The following SEC23A variants were observed in gnomAD, a reference collection of about 807,000 sequenced individuals.
SEC23A encodes the protein SEC23 homolog A, COPII component.
A neutral mutation model predicts 103.7 loss-of-function variants in SEC23A; 56 were observed. The ratio of observed to expected loss-of-function variants is 0.54; its 90% CI spans 0.44 to 0.67. SEC23A has a LOEUF of 0.67. Among genes scored for constraint, SEC23A ranks in the 30% least tolerant of loss-of-function variants. The pLI is 0.00. For synonymous variants in SEC23A, 281 were observed against 293.0 expected (o/e 0.96, Z 0.42); for missense variants, 784 against 936.4 (o/e 0.84, Z 2.12).
intron 7 of SEC23A, among the ~76,000 whole-genome samples, chr14:39,079,666 C>A (rs1032279837): frequency 6.6e-6 from 1 of 151,812 alleles, no homozygotes; most frequent in African/African-American, 2.4e-5. Context: ...ACTAAAAATA[C>A]AAAAAATTAG....
intron 7 of SEC23A, among the ~76,000 whole-genome samples, chr14:39,077,147 C>T (rs1887056113): frequency 1.4e-5 from 2 of 141,800 alleles, no homozygotes; most frequent in Admixed American, 7.4e-5. Context: ...AGAATTGCTT[C>T]GACCCAGGAG....
Position 39,063,349 on chromosome 14 carries a change from G to A in SEC23A, c.1373C>T (p.Ala458Val), listed in dbSNP as rs933417558. The change falls in exon 12 of 20, where the codon GCC (alanine) becomes GTC (valine). Residue 458 changes from alanine to valine, a missense_variant. Transcript: ENST00000307712. ...ICGLSPTTTLAIYFEVVNQHN... is the reference protein window; with the variant it reads ...ICGLSPTTTLVIYFEVVNQHN... ...CTGATTGACAACCTCAAAATATATGGCTAAGGTTGTAGTGGGACTAAGTCC... is the reference window on the plus strand; with the variant it reads ...CTGATTGACAACCTCAAAATATATGACTAAGGTTGTAGTGGGACTAAGTCC... The A allele has an allele frequency of 3.1e-6, 5 of 1,610,000 alleles. No homozygotes were observed. The highest frequency in any genetic ancestry group is 4.3e-6 in the Non-Finnish European group (5 of 1,176,452).
intron 13 of SEC23A, among the ~76,000 whole-genome samples, 177 bp from the exon 14 acceptor site, chr14:39,055,473 T>A (rs1374101657): frequency 6.6e-6 from 1 of 151,476 alleles, no homozygotes; most frequent in Non-Finnish European, 1.5e-5. Flanking sequence ...AATGGCGCGA[T>A]CTCAGCTCAC....
chr14:39,040,301 T>G (rs912795826), intron 18 of SEC23A: 1 of 175,990 alleles, frequency 5.7e-6, no homozygotes, highest in African/African-American at 2.4e-5. Flanking sequence ...TTACATAAAA[T>G]TTTATTTTCT....
At chr14:39,043,648 C>T (rs1466117329) in intron 16 of SEC23A, among the ~76,000 whole-genome samples, 2 of 152,116 alleles carry the variant, frequency 1.3e-5, no homozygotes, top group Admixed American at 1.3e-4. Context: ...GAAGATTGAT[C>T]CCTTAAGCAT....
chr14:39,067,157 A>T lies in SEC23A; in HGVS notation c.1227+16T>A. On this transcript the variant is annotated intron_variant, in intron 10 of 19. Transcript: ENST00000307712. ...CTTTTGATAACATATCGCACATGTCAAGTTTTGGTTCTTACCTTTATTTCT... is the reference window on the plus strand; with the variant it reads ...CTTTTGATAACATATCGCACATGTCTAGTTTTGGTTCTTACCTTTATTTCT... 6.2e-7 allele frequency: 1 copy of T among 1,613,616 alleles called. No homozygotes were observed. The highest frequency in any genetic ancestry group is 2.2e-5 in the East Asian group (1 of 44,780).
chr14:39,091,836 A>C (rs1387484123), intron 4 of SEC23A, 123 bp from the exon 5 acceptor site: 2 of 723,618 alleles, frequency 2.8e-6, no homozygotes, highest in Non-Finnish European at 4.9e-6. Flanking sequence ...TTCAGAAATG[A>C]AACAGGTTAT....
Position 39,046,628 on chromosome 14 carries a change from A to C in SEC23A, c.1738-1304T>G, listed in dbSNP as rs557250896. ...AAAAAAAACAACCACATATATACCC[A>C]TATAATTTCTTAATATTTAATATCT... On this transcript the variant is annotated intron_variant, in intron 15 of 19. Coordinates refer to ENST00000307712, the MANE Select transcript of SEC23A (RefSeq NM_006364.4). Among the ~76,000 whole-genome samples, 4 of 152,304 alleles carry C rather than the reference A, an allele frequency of 2.6e-5. No homozygotes were observed. In the East Asian group the frequency reaches 7.7e-4, roughly 29 times the overall value.
chr14:39,086,857 C>T (rs926724621), intron 6 of SEC23A, 72 bp downstream of exon 6: 4 of 850,584 alleles, frequency 4.7e-6, no homozygotes, highest in Admixed American at 3.4e-5. Context: ...TCACTGAATG[C>T]CTATGTTCAA....
intron 7 of SEC23A, among the ~76,000 whole-genome samples, chr14:39,082,684 T>C (rs928391640): frequency 4.6e-5 from 7 of 152,196 alleles, no homozygotes; most frequent in African/African-American, 1.2e-4. Context: ...CCTTAATGAA[T>C]GACCAAAGTG....
At chr14:39,039,261 A>C (rs1885559285) in intron 18 of SEC23A, 165 bp from the exon 19 acceptor site, 1 of 604,304 alleles carries the variant, frequency 1.7e-6, no homozygotes. Context: ...ATAGGTCACT[A>C]AGTGTTACAA....
rs1276470882 is a variant in SEC23A, at chr14:39,085,846, C to T, written c.744G>A (p.Gln248=). The T allele has an allele frequency of 1.2e-6, 2 of 1,613,924 alleles. No individual in the cohort carries two copies. Among genetic ancestry groups the T allele is most frequent in the Non-Finnish European group, 8.5e-7 (1 of 1,179,852 alleles). ...CCTGTGGTACAGGCCAAGGGTCTCG[C>T]TGGAGTTCTCCCAGAAGATCTGTGA... ...MNLTDLLGEL[Q]RDPWPVPQGK... is the part of the protein sequence containing the mutation. Residue 248 remains glutamine, a synonymous_variant, in exon 7 of 20, where the codon CAG becomes CAA. Coordinates refer to ENST00000307712, the MANE Select transcript of SEC23A (RefSeq NM_006364.4).
Position 39,055,038 on chromosome 14 carries a change from T to C in SEC23A, c.1659+105A>G, listed in dbSNP as rs971489404. 59 of 1,311,866 alleles carry C rather than the reference T, an allele frequency of 4.5e-5. No individual in the cohort carries two copies. In the Admixed American group the frequency reaches 1.0e-3, roughly 22 times the overall value. The allele number at this position is 1,311,866 out of a possible 1,614,324, so 81.3% of individuals were successfully genotyped here. On this transcript the variant is annotated intron_variant, in intron 14 of 19. Transcript: ENST00000307712. Reference sequence around the variant, plus strand: ...ATTTGAATAGGAGTTTCTCATACAGTATTTCAGATACACTGTTAAGTACTT... The same window carrying C: ...ATTTGAATAGGAGTTTCTCATACAGCATTTCAGATACACTGTTAAGTACTT...
chr14:39,042,906 A>C, intron 16 of SEC23A, 34 bp from the exon 17 acceptor site: 2 of 1,350,570 alleles, frequency 1.5e-6, no homozygotes, highest in Non-Finnish European at 2.1e-6. Context: ...AATGAGGAAA[A>C]AGGAAAAATA....
At position 39,040,969 on chromosome 14, in the gene SEC23A, T is replaced by C. The variant is rs62001129; in HGVS notation, c.1987-82A>G. The stretch of plus-strand genomic sequence containing the variant: ...TGAGATTTTTCCAAAGAAAATAATC[T>C]TTAGAAACTAAAAAAATTATAGACC... On this transcript the variant is annotated intron_variant, in intron 17 of 19. Transcript: ENST00000307712. 0.15 allele frequency: 215,938 copies of C among 1,478,948 alleles called. 16,094 individuals carry two copies. The highest frequency in any genetic ancestry group is 0.21 in the Admixed American group (8,832 of 41,724). 91.6% of individuals were successfully genotyped at this position (1,478,948 alleles called of 1,614,324 possible).
rs747317789 is a variant in SEC23A, at chr14:39,042,808, T to A, written c.1964A>T (p.Gln655Leu). 1 of 1,610,092 alleles carries A rather than the reference T, an allele frequency of 6.2e-7. No individual in the cohort carries two copies. Among genetic ancestry groups the A allele is most frequent in the South Asian group, 1.1e-5 (1 of 90,978 alleles). Residue 655 changes from glutamine to leucine, a missense_variant, in exon 17 of 20, where the codon CAG becomes CTG. This residue lies in a region of SEC23A where 101 missense variants were observed against 162.2 expected (regional missense o/e 0.62). Coordinates refer to ENST00000307712, the MANE Select transcript of SEC23A (RefSeq NM_006364.4). ...TACCTCACCATGATAAATCAAAATC[T>A]GGAAGAATGTGTCCATGAGAAGAAT... The part of the protein sequence containing the change: ...DRILLMDTFF[Q>L]ILIYHGETIA...
rs375550799 is a variant in SEC23A at position 39,085,899 on chromosome 14, G to T, written c.691C>A (p.Gln231Lys). Reference protein sequence around the residue: ...QQPPPSNRFLQPVQKIDMNLT... With the variant: ...QQPPPSNRFLKPVQKIDMNLT... Reference sequence around the variant, plus strand: ...TTCATGTCTATTTTCTGTACTGGTTGTAAGAATCTAAGAAACAGAATTAAA... The same window carrying T: ...TTCATGTCTATTTTCTGTACTGGTTTTAAGAATCTAAGAAACAGAATTAAA... Residue 231 changes from glutamine (Q) to lysine (K), a missense_variant, in exon 7 of 20, where the codon CAA becomes AAA. Gln to Lys is a moderately conservative substitution (Grantham distance 53, BLOSUM62 1). Transcript: ENST00000307712. The T allele has an allele frequency of 1.9e-6, 3 of 1,612,666 alleles. No homozygotes were observed. The highest frequency in any genetic ancestry group is 2.5e-6 in the Non-Finnish European group (3 of 1,178,760).
intron 14 of SEC23A, 78 bp downstream of exon 14, chr14:39,055,065 G>T: frequency 6.4e-7 from 1 of 1,555,986 alleles, no homozygotes; most frequent in Non-Finnish European, 8.9e-7. Flanking sequence ...TAAGTACTTT[G>T]AAAGAGATTA....
chr14:39,058,286 ATTTTTT>A (rs376125773), intron 13 of SEC23A, among the ~76,000 whole-genome samples: 2 of 144,404 alleles, frequency 1.4e-5, no homozygotes, highest in Non-Finnish European at 1.5e-5. Context: ...TTCTTTCTGT[ATTTTTT>A]TTTTTTTTTA....
Sources: gnomAD v4.1 joint callset for allele counts (sites outside exome capture counted in the v4.1 genomes callset) on GRCh38, gnomAD v4.1.1 for gene constraint, gnomAD v4.1.1 regional missense constraint, MANE v1.5 for transcripts, NCBI Gene and HGNC (gene_info 2026-07-23, HGNC 2026-07-21) for gene names.